ERBB4: variants seen among roughly 807,000 people sequenced by gnomAD.
ERBB4 encodes the protein receptor tyrosine-protein kinase erbB-4.
Under a neutral mutation model 158.0 loss-of-function variants are expected in ERBB4, and 42 were observed. The ratio of observed to expected loss-of-function variants is 0.27; its 90% CI spans 0.21 to 0.34. The LOEUF is 0.34. Among genes scored for constraint, ERBB4 ranks in the 10% least tolerant of loss-of-function variants. The pLI, the probability that ERBB4 is intolerant of heterozygous loss-of-function variation, is 1.00. For synonymous variants in ERBB4, 583 were observed against 558.7 expected (o/e 1.04, Z -0.61); for missense variants, 1,333 against 1,624.1 (o/e 0.82, Z 3.08).
At chr2:212,277,677 C>A (rs2085594962) in intron 1 of ERBB4, among the ~76,000 whole-genome samples, 1 of 151,734 alleles carries the variant, frequency 6.6e-6, no homozygotes, top group South Asian at 2.1e-4. Flanking sequence ...GTATTTAACT[C>A]TCTTATGTAT....
At chr2:212,182,342 A>G (rs2081894347) in intron 1 of ERBB4, among the ~76,000 whole-genome samples, 1 of 151,890 alleles carries the variant, frequency 6.6e-6, no homozygotes, top group Non-Finnish European at 1.5e-5. Flanking sequence ...CTTAATCACA[A>G]TTCTTGACAG....
intron 1 of ERBB4, among the ~76,000 whole-genome samples, chr2:212,430,908 G>T (rs982186790): frequency 1.3e-5 from 2 of 152,100 alleles, no homozygotes; most frequent in Admixed American, 1.3e-4. Flanking sequence ...CAGAGACAAA[G>T]ATTGAGATTG....
At chr2:211,811,556 G>C (rs935540046) in intron 3 of ERBB4, among the ~76,000 whole-genome samples, 1 of 151,948 alleles carries the variant, frequency 6.6e-6, no homozygotes, top group African/African-American at 2.4e-5. Flanking sequence ...TTTGAATGTT[G>C]GCCTGCCTTG....
intron 3 of ERBB4, among the ~76,000 whole-genome samples, chr2:211,820,957 A>C (rs2105941623): frequency 6.6e-6 from 1 of 151,986 alleles, no homozygotes; most frequent in South Asian, 2.1e-4. Flanking sequence ...TAACATCAAA[A>C]GTTTCCAGCT....
At chr2:211,456,062 A>T (rs1018017152) in intron 20 of ERBB4, among the ~76,000 whole-genome samples, 1 of 152,170 alleles carries the variant, frequency 6.6e-6, no homozygotes, top group African/African-American at 2.4e-5. Context: ...GAACATACAA[A>T]CTTATTGTGT....
At chr2:212,501,984 G>C (rs931013331) in intron 1 of ERBB4, among the ~76,000 whole-genome samples, 1 of 151,860 alleles carries the variant, frequency 6.6e-6, no homozygotes, top group East Asian at 1.9e-4. Flanking sequence ...TTTATACTTA[G>C]TTTTAATGTC....
intron 2 of ERBB4, among the ~76,000 whole-genome samples, chr2:212,014,756 C>T (rs1034833418): frequency 2.6e-5 from 4 of 151,990 alleles, no homozygotes; most frequent in Non-Finnish European, 4.4e-5. Context: ...CACTAAATAA[C>T]TGACCCTAAT....
At chr2:212,490,500 T>A (rs1189065635) in intron 1 of ERBB4, among the ~76,000 whole-genome samples, 1 of 151,844 alleles carries the variant, frequency 6.6e-6, no homozygotes, top group Non-Finnish European at 1.5e-5. Context: ...TAGTATATTA[T>A]TTTTTACTCT....
chr2:212,205,356 C>T (rs1167388607), intron 1 of ERBB4, among the ~76,000 whole-genome samples: 3 of 152,126 alleles, frequency 2.0e-5, no homozygotes, highest in Non-Finnish European at 2.9e-5. Context: ...GACGGGGTTT[C>T]ACCATGTTGG....
At position 211,630,448 on chromosome 2, in the gene ERBB4, A is replaced by C. The variant is rs2070064667; in HGVS notation, c.2079+14T>G. The C allele has an allele frequency of 6.2e-7, 1 of 1,612,764 alleles. No homozygotes were observed. Among genetic ancestry groups the C allele is most frequent in the Admixed American group, 1.7e-5 (1 of 59,998 alleles). ...AATCCCCAAACACATGAAGAGGAGA[A>C]AGAAATACCTCACCTCTGTTTCCAA... On this transcript the variant is annotated intron_variant, in intron 17 of 27. Transcript: ENST00000342788.
intron 1 of ERBB4, among the ~76,000 whole-genome samples, chr2:212,435,692 A>G (rs533204647): frequency 7.9e-5 from 12 of 152,058 alleles, no homozygotes; most frequent in Admixed American, 6.6e-4. Context: ...AGTCTTTTCC[A>G]TGTATTTCCT....
intron 20 of ERBB4, among the ~76,000 whole-genome samples, chr2:211,502,305 C>T (rs2065637080): frequency 6.6e-6 from 1 of 152,078 alleles, no homozygotes; most frequent in Non-Finnish European, 1.5e-5. Context: ...CAAAGGAAGC[C>T]TATTCTTGAC....
At chr2:212,185,064 A>C (rs1184032928) in intron 1 of ERBB4, among the ~76,000 whole-genome samples, 1 of 141,546 alleles carries the variant, frequency 7.1e-6, no homozygotes, top group East Asian at 2.0e-4. Flanking sequence ...TCTGTTGCCC[A>C]GGCTGGAATG....
chr2:211,679,024 G>A (rs774559696), intron 13 of ERBB4, 28 bp downstream of exon 13: 1 of 1,566,170 alleles, frequency 6.4e-7, no homozygotes, highest in Non-Finnish European at 8.8e-7. Flanking sequence ...AGCTCATGAG[G>A]TGAAGGCAAC....
At chr2:211,698,412 C>A (rs903471330) in intron 12 of ERBB4, among the ~76,000 whole-genome samples, 3 of 150,654 alleles carry the variant, frequency 2.0e-5, no homozygotes, top group Non-Finnish European at 4.4e-5. Context: ...ATATAGATGG[C>A]TGAATGGTAT....
chr2:211,834,546 A>C (rs550132314), intron 3 of ERBB4, among the ~76,000 whole-genome samples: 1 of 152,118 alleles, frequency 6.6e-6, no homozygotes, highest in Non-Finnish European at 1.5e-5. Flanking sequence ...TTTTTTAATT[A>C]GATCATATTA....
chr2:212,224,940 C>T (rs1213744775), intron 1 of ERBB4, among the ~76,000 whole-genome samples: 1 of 151,850 alleles, frequency 6.6e-6, no homozygotes, highest in East Asian at 1.9e-4. Context: ...TATTATCATG[C>T]TCTTGTTCTT....
intron 19 of ERBB4, among the ~76,000 whole-genome samples, chr2:211,607,644 T>G (rs1302060750): frequency 6.6e-6 from 1 of 152,084 alleles, no homozygotes; most frequent in African/African-American, 2.4e-5. Context: ...CACTATGCCA[T>G]GCTATACATA....
intron 1 of ERBB4, among the ~76,000 whole-genome samples, chr2:212,498,062 A>G (rs1690676230): frequency 6.7e-6 from 1 of 148,786 alleles, no homozygotes; most frequent in Non-Finnish European, 1.5e-5. Flanking sequence ...CATTATTTAC[A>G]TTTTCATCCT....
Sources: gnomAD v4.1 joint callset for allele counts (sites outside exome capture counted in the v4.1 genomes callset) on GRCh38, gnomAD v4.1.1 for gene constraint, MANE v1.5 for transcripts, NCBI Gene and HGNC (gene_info 2026-07-23, HGNC 2026-07-21) for gene names.